EXOSC4: variants seen among roughly 807,000 people sequenced by gnomAD.
EXOSC4 encodes the protein exosome component 4, also known as exosome complex component RRP41.
In EXOSC4, 14 loss-of-function variants were observed where a neutral mutation model predicts 20.0. The ratio of observed to expected loss-of-function variants is 0.70; its 90% CI spans 0.46 to 1.09. The LOEUF (loss-of-function observed/expected upper bound fraction) is 1.09. Ranked by LOEUF, EXOSC4 falls within the 50% of genes least tolerant of loss-of-function variation. EXOSC4 has a pLI of 0.00. For missense variants in EXOSC4, 337 were observed against 334.0 expected (o/e 1.01, Z -0.07); for synonymous variants, 148 against 146.4 (o/e 1.01, Z -0.08).
the EXOSC4 span, among the ~76,000 whole-genome samples, chr8:144,072,934 T>C: frequency 6.6e-6 from 1 of 152,364 alleles, no homozygotes; most frequent in South Asian, 2.1e-4. Flanking sequence ...CAACAGTAAG[T>C]GCCTTTGAAG....
intron 1 of EXOSC4, chr8:144,079,146 A>C: frequency 2.6e-6 from 1 of 390,862 alleles, no homozygotes. Flanking sequence ...CGTGCTAGGC[A>C]CTCCCCCACT....
chr8:144,071,474 T>C, the EXOSC4 span, among the ~76,000 whole-genome samples: 1 of 147,964 alleles, frequency 6.8e-6, no homozygotes, highest in Non-Finnish European at 1.5e-5. Context: ...CGTGGCTAGT[T>C]TTTTGTATTT....
the EXOSC4 span, among the ~76,000 whole-genome samples, chr8:144,070,643 A>G: frequency 6.6e-6 from 1 of 152,142 alleles, no homozygotes; most frequent in East Asian, 1.9e-4. Context: ...CCTGACCAAA[A>G]TGATGAAACC....
At chr8:144,070,691 G>T in the EXOSC4 span, among the ~76,000 whole-genome samples, 1 of 151,954 alleles carries the variant, frequency 6.6e-6, no homozygotes, top group Non-Finnish European at 1.5e-5. Context: ...AGCCGGGCAT[G>T]GTGGCGCACG....
At chr8:144,070,368 AC>A in the EXOSC4 span, among the ~76,000 whole-genome samples, 1 of 152,040 alleles carries the variant, frequency 6.6e-6, no homozygotes, top group Non-Finnish European at 1.5e-5. Context: ...TAATAAAAAT[AC>A]AAAATTGCGC....
Position 144,078,698 on chromosome 8 carries a change from A to G in EXOSC4, c.-31A>G. On this transcript the variant is annotated 5_prime_UTR_variant, in exon 1 of 3. Transcript: ENST00000316052. The surrounding 1 kb of genome is among the most constrained non-coding windows in gnomAD (Gnocchi z 4.7). ...TAGTTCTCCCGCGGCTCAGAGAAGT[A>G]GGCAGAGAGCGGACCTGGCGGCCGG... 2 of 1,384,892 alleles carry G rather than the reference A, an allele frequency of 1.4e-6. No individual in the cohort carries two copies. Among genetic ancestry groups the G allele is most frequent in the South Asian group, 3.3e-5 (2 of 61,166 alleles). The allele number at this position is 1,384,892 out of a possible 1,614,324, so 85.8% of individuals were successfully genotyped here. A position where few individuals can be genotyped will look rare whatever the true frequency, so the allele number is the denominator to read the frequency against.
chr8:144,066,657 T>G, the EXOSC4 span, among the ~76,000 whole-genome samples: 1 of 151,424 alleles, frequency 6.6e-6, no homozygotes, highest in Non-Finnish European at 1.5e-5. Flanking sequence ...TTGGCCAGGC[T>G]GTTTTCAAAC....
chr8:144,065,783 ATTTTTATT>A, the EXOSC4 span, among the ~76,000 whole-genome samples: 2 of 149,684 alleles, frequency 1.3e-5, no homozygotes, highest in African/African-American at 4.9e-5. Context: ...GGAGTAGAGT[ATTTTTATT>A]TTTTTATTTT....
intron 1 of EXOSC4, 46 bp from the exon 2 acceptor site, chr8:144,079,897 T>G: frequency 3.2e-6 from 5 of 1,575,914 alleles, no homozygotes; most frequent in African/African-American, 1.3e-5. Context: ...CAGTGGAGTG[T>G]GAGCTGGAAG....
Position 144,080,454 on chromosome 8 carries a change from G to C in EXOSC4, c.591G>C (p.Ala197=), listed in dbSNP as rs201609181. 1.2e-6 allele frequency: 2 copies of C among 1,609,558 alleles called. No homozygotes were observed. Among genetic ancestry groups the C allele is most frequent in the Non-Finnish European group, 1.7e-6 (2 of 1,179,988 alleles). ...TGCTGCCAGCCTCAGGACAGATTGC[G>C]CTGCTTGAGATGGATGCCCGGCTGC... The part of the protein sequence containing the change: ...LALLPASGQI[A]LLEMDARLHE... Residue 197 remains alanine (A), a synonymous_variant, in exon 3 of 3, where the codon GCG becomes GCC. Coordinates refer to ENST00000316052, the MANE Select transcript of EXOSC4 (RefSeq NM_019037.3). This position sits in a 1 kb window ranked among gnomAD's most constrained non-coding sequence, Gnocchi z 4.9.
the EXOSC4 span, among the ~76,000 whole-genome samples, chr8:144,071,662 A>G: frequency 3.3e-5 from 5 of 150,806 alleles, no homozygotes; most frequent in Admixed American, 6.6e-5. Context: ...GACTCTTTAT[A>G]TTTTGTATTG....
chr8:144,075,508 G>A (rs1164790500), upstream of EXOSC4, among the ~76,000 whole-genome samples: 1 of 152,130 alleles, frequency 6.6e-6, no homozygotes, highest in African/African-American at 2.4e-5. Flanking sequence ...TTACAGGCGT[G>A]AGCCACCGCG....
At chr8:144,068,907 C>T in the EXOSC4 span, among the ~76,000 whole-genome samples, 2 of 152,236 alleles carry the variant, frequency 1.3e-5, no homozygotes, top group African/African-American at 2.4e-5. Flanking sequence ...CAGGCCACCA[C>T]GCCCACCCCC....
At chr8:144,077,621 T>C (rs77593240), upstream of EXOSC4, among the ~76,000 whole-genome samples, 8,106 of 152,302 alleles carry the variant, frequency 0.053, 772 homozygotes, top group African/African-American at 0.18. Context: ...GTCCCTGTCC[T>C]CATCCCTTAA....
chr8:144,071,448 G>A, the EXOSC4 span, among the ~76,000 whole-genome samples: 1 of 149,604 alleles, frequency 6.7e-6, no homozygotes, highest in African/African-American at 2.5e-5. Flanking sequence ...TGGGATTACA[G>A]GTGCGTGCCA....
At position 144,079,972 on chromosome 8, in the gene EXOSC4, G is replaced by A. The variant is rs1554763248; in HGVS notation, c.201G>A (p.Pro67=). 4 of 1,612,876 alleles carry A rather than the reference G, an allele frequency of 2.5e-6. No individual in the cohort carries two copies. Among genetic ancestry groups the A allele is most frequent in the African/African-American group, 2.7e-5 (2 of 74,894 alleles). Residue 67 remains proline (P), a synonymous_variant, in exon 2 of 3, where the codon CCG becomes CCA. Coordinates refer to ENST00000316052, the MANE Select transcript of EXOSC4 (RefSeq NM_019037.3). ...EIRGSRARAL[P]DRALVNCQYS... ...GGGGCTCCCGGGCTCGAGCCCTGCC[G>A]GACAGGGCCCTAGTGAACTGTCAAT...
chr8:144,080,482 G>T lies in EXOSC4; in HGVS notation c.619G>T (p.Glu207Ter). Residue 207 changes from glutamate to a stop codon, truncating the protein, a stop_gained, in exon 3 of 3, where the codon GAG becomes TAG. Coordinates refer to ENST00000316052, the MANE Select transcript of EXOSC4 (RefSeq NM_019037.3). LOFTEE classifies it high-confidence loss of function. This position sits in a 1 kb window ranked among gnomAD's most constrained non-coding sequence, Gnocchi z 4.9. ...ALLEMDARLH[E>*]DHLERVLEAA... The stretch of plus-strand genomic sequence containing the variant: ...GCTTGAGATGGATGCCCGGCTGCAC[G>T]AGGACCACCTGGAGCGGGTGTTGGA... 1 of 1,607,634 alleles carries T rather than the reference G, an allele frequency of 6.2e-7. No individual in the cohort carries two copies.
chr8:144,079,158 G>T (rs1164689379), intron 1 of EXOSC4: 2 of 374,968 alleles, frequency 5.3e-6, no homozygotes, highest in Non-Finnish European at 9.5e-6. Context: ...TCCCCCACTC[G>T]CTCCCTCTCC....
upstream of EXOSC4, among the ~76,000 whole-genome samples, chr8:144,074,048 C>CTGCT (rs1835814586): frequency 6.6e-6 from 1 of 152,186 alleles, no homozygotes; most frequent in Admixed American, 6.5e-5. Context: ...ACGGCCTGTG[C>CTGCT]TGCTGTAAGG....
Sources: allele counts gnomAD v4.1 joint callset (sites outside exome capture counted in the v4.1 genomes callset), GRCh38; gene constraint gnomAD v4.1.1; non-coding constraint Gnocchi (gnomAD v3.1); transcripts MANE v1.5; gene names NCBI Gene and HGNC (gene_info 2026-07-23, HGNC 2026-07-21).